Variants in DOCK4 observed in about 807,000 individuals in gnomAD.
DOCK4 encodes the protein dedicator of cytokinesis 4.
DOCK4 carries 97 observed loss-of-function variants against 268.1 expected under a neutral mutation model. The observed-to-expected ratio is 0.36, with a 90% CI of 0.31 to 0.43. The LOEUF (loss-of-function observed/expected upper bound fraction) is 0.43, where lower values mean the gene tolerates loss of function less well. DOCK4 is among the 20% of genes least tolerant of loss of function. The pLI is 1.00. For missense variants in DOCK4, 2,145 were observed against 2,455.7 expected (o/e 0.87, Z 2.67); for synonymous variants, 954 against 887.2 (o/e 1.08, Z -1.34).
In DOCK4 at chr7:111,955,953, C is replaced by G. The variant is rs190862556; in HGVS notation, c.702-10155G>C. On this transcript the variant is annotated intron_variant, in intron 8 of 52. Coordinates refer to ENST00000428084, the MANE Select transcript of DOCK4 (RefSeq NM_001363540.2). ...CTGAGAAAAATACTTGCTTGAGTCTCTCTCTGGAGAACTCATTAAGAATTT... is the reference window on the plus strand; with the variant it reads ...CTGAGAAAAATACTTGCTTGAGTCTGTCTCTGGAGAACTCATTAAGAATTT... 1.8e-3 allele frequency among the ~76,000 whole-genome samples: 272 copies of G among 152,282 alleles called. 2 individuals are homozygous for G. Among genetic ancestry groups the G allele is most frequent in the African/African-American group, 6.3e-3 (262 of 41,562 alleles).
At chr7:112,000,427 G>A in intron 3 of DOCK4, 67 bp downstream of exon 3, 1 of 1,040,320 alleles carries the variant, frequency 9.6e-7, no homozygotes, top group Non-Finnish European at 1.4e-6. Flanking sequence ...ATTGTATAAA[G>A]AAATAATTTA....
At chr7:112,117,243 C>G (rs1438534510) in intron 1 of DOCK4, among the ~76,000 whole-genome samples, 1 of 152,240 alleles carries the variant, frequency 6.6e-6, no homozygotes, top group Non-Finnish European at 1.5e-5. Flanking sequence ...CCCTCATTCA[C>G]AAATAAACTT....
intron 1 of DOCK4, among the ~76,000 whole-genome samples, chr7:112,090,240 T>C (rs1809498359): frequency 6.6e-6 from 1 of 152,180 alleles, no homozygotes; most frequent in Non-Finnish European, 1.5e-5. Context: ...AAATAAATTA[T>C]AAAATAAGAT....
intron 1 of DOCK4, among the ~76,000 whole-genome samples, chr7:112,169,714 T>C (rs550338332): frequency 2.6e-5 from 4 of 152,290 alleles, no homozygotes; most frequent in East Asian, 1.9e-4. Flanking sequence ...GATTCCAGCA[T>C]ACAAACCAAG....
At chr7:111,957,664 G>C (rs1796549418) in intron 8 of DOCK4, among the ~76,000 whole-genome samples, 1 of 152,120 alleles carries the variant, frequency 6.6e-6, no homozygotes. Context: ...ATGAAGGCAG[G>C]AATTTTTTGT....
At chr7:111,766,030 C>T (rs1387358088) in intron 38 of DOCK4, among the ~76,000 whole-genome samples, 1 of 152,156 alleles carries the variant, frequency 6.6e-6, no homozygotes, top group Non-Finnish European at 1.5e-5. Flanking sequence ...CACAAGTAAA[C>T]ATCATCACCT....
At chr7:111,745,952 TA>T (rs1158916535) in intron 44 of DOCK4, among the ~76,000 whole-genome samples, 25 of 152,166 alleles carry the variant, frequency 1.6e-4, no homozygotes, top group African/African-American at 5.8e-4. Context: ...AAATATTATA[TA>T]AAATGACCTT....
At chr7:112,048,372 C>T (rs1479868816) in intron 1 of DOCK4, among the ~76,000 whole-genome samples, 2 of 132,144 alleles carry the variant, frequency 1.5e-5, no homozygotes, top group Admixed American at 8.0e-5. Flanking sequence ...GGTAAAACCC[C>T]ATCTCTACTA....
chr7:112,034,850 C>T (rs1041706244), intron 1 of DOCK4, among the ~76,000 whole-genome samples: 5 of 152,018 alleles, frequency 3.3e-5, no homozygotes, highest in African/African-American at 1.2e-4. Flanking sequence ...TGCAGTGGGC[C>T]AAGATCCTGC....
chr7:111,902,242 T>C (rs1459839041), intron 13 of DOCK4, among the ~76,000 whole-genome samples: 1 of 152,196 alleles, frequency 6.6e-6, no homozygotes, highest in Non-Finnish European at 1.5e-5. Context: ...AGGGTACAAT[T>C]ACAACTTAAA....
At chr7:112,096,397 G>A (rs1810142544) in intron 1 of DOCK4, among the ~76,000 whole-genome samples, 1 of 151,930 alleles carries the variant, frequency 6.6e-6, no homozygotes, top group Non-Finnish European at 1.5e-5. Flanking sequence ...TGCACAGGCT[G>A]GTCTCCAACT....
chr7:111,882,839 C>T (rs1807516316), intron 16 of DOCK4, among the ~76,000 whole-genome samples: 1 of 152,080 alleles, frequency 6.6e-6, no homozygotes, highest in Non-Finnish European at 1.5e-5. Context: ...GAACTCCTGA[C>T]CTCAGGTGAT....
chr7:112,058,611 T>G (rs1040948361), intron 1 of DOCK4, among the ~76,000 whole-genome samples: 1 of 152,186 alleles, frequency 6.6e-6, no homozygotes, highest in Non-Finnish European at 1.5e-5. Flanking sequence ...AGGCCTCATG[T>G]AGCCAATTCT....
intron 16 of DOCK4, among the ~76,000 whole-genome samples, chr7:111,877,783 A>G (rs921172382): frequency 2.0e-5 from 3 of 152,258 alleles, no homozygotes; most frequent in Non-Finnish European, 1.5e-5. Context: ...ATATAATTTC[A>G]TATCCCTACT....
At chr7:111,926,506 G>C (rs1327345282) in intron 12 of DOCK4, among the ~76,000 whole-genome samples, 1 of 145,040 alleles carries the variant, frequency 6.9e-6, no homozygotes, top group South Asian at 2.2e-4. Context: ...AAGAAAAAAA[G>C]AAGGAAGAAA....
chr7:112,186,305 A>G (rs930881339), intron 1 of DOCK4, among the ~76,000 whole-genome samples: 4 of 152,218 alleles, frequency 2.6e-5, no homozygotes, highest in Middle Eastern at 3.2e-3. Context: ...AACAAAACAA[A>G]GAGTAATGAA....
At chr7:111,889,282 C>A (rs147607709) in intron 16 of DOCK4, among the ~76,000 whole-genome samples, 1 of 152,160 alleles carries the variant, frequency 6.6e-6, no homozygotes, top group East Asian at 1.9e-4. Context: ...TTCTTCTATA[C>A]CAAAGCCTGG....
At chr7:111,897,809 T>C (rs1483146933) in intron 15 of DOCK4, among the ~76,000 whole-genome samples, 2 of 152,206 alleles carry the variant, frequency 1.3e-5, no homozygotes, top group Non-Finnish European at 2.9e-5. Context: ...TTAACATGTC[T>C]AAAATGCAAT....
At chr7:112,202,033 G>C (rs1820986389) in intron 1 of DOCK4, among the ~76,000 whole-genome samples, 1 of 152,096 alleles carries the variant, frequency 6.6e-6, no homozygotes, top group Admixed American at 6.5e-5. Flanking sequence ...CCTTTTTCAA[G>C]ACTATATAAT....
Sources: allele counts gnomAD v4.1 joint callset (sites outside exome capture counted in the v4.1 genomes callset), GRCh38; gene constraint gnomAD v4.1.1; transcripts MANE v1.5; gene names NCBI Gene and HGNC (gene_info 2026-07-23, HGNC 2026-07-21).